The following FAM133A variants were observed in gnomAD, a reference collection of about 807,000 sequenced individuals.
The protein encoded by FAM133A is protein FAM133A.
For synonymous variants in FAM133A, 65 were observed against 58.6 expected (o/e 1.11, Z -0.50); for missense variants, 159 against 164.4 (o/e 0.97, Z 0.18).
upstream of FAM133A, among the ~76,000 whole-genome samples, chrX:93,673,844 T>A (rs1048046913): frequency 3.7e-5 from 4 of 107,480 alleles, no homozygotes; most frequent in East Asian, 1.2e-3. Context: ...AGTTTTATAA[T>A]TAAAAAAGAA....
intron 3 of FAM133A, among the ~76,000 whole-genome samples, chrX:93,700,888 C>T (rs1345454519): frequency 9.0e-6 from 1 of 111,301 alleles, no homozygotes; most frequent in African/African-American, 3.3e-5. Context: ...TTGCAGAAGG[C>T]ACTGATACAT....
intron 3 of FAM133A, among the ~76,000 whole-genome samples, chrX:93,703,165 G>T: frequency 9.0e-6 from 1 of 111,301 alleles, no homozygotes; most frequent in African/African-American, 3.3e-5. Flanking sequence ...CTCCAGCCTG[G>T]GCAACAGAGT....
rs1432690525 is a variant in FAM133A, at chrX:93,711,925, A to G, written c.*1759A>G. ...CTTTTTATAAGCTTATATTATTTGT[A>G]GAATATGGCAAAAGCATTTACAGCT... On this transcript the variant is annotated 3_prime_UTR_variant, in exon 4 of 4. Transcript: ENST00000683942. 1 of 123,472 alleles carries G rather than the reference A, an allele frequency of 8.1e-6. No individual in the cohort carries two copies. The highest frequency in any genetic ancestry group is 1.9e-5 in the Non-Finnish European group (1 of 53,289). 10.2% of individuals were successfully genotyped at this position (123,472 alleles called of 1,213,427 possible).
chrX:93,674,807 C>T (rs1304134023), intron 2 of FAM133A, 55 bp downstream of exon 2: 6 of 111,055 alleles, frequency 5.4e-5, no homozygotes, highest in Non-Finnish European at 1.1e-4. Context: ...TCATCTCCAT[C>T]TGAATAAAAG....
intron 2 of FAM133A, among the ~76,000 whole-genome samples, chrX:93,697,181 A>ATATG (rs1556031159): frequency 1.2e-4 from 9 of 76,035 alleles, no homozygotes; most frequent in African/African-American, 3.5e-4. Flanking sequence ...ATATATATAT[A>ATATG]TATATATATA....
rs183468771 is a variant in FAM133A, at chrX:93,697,891, A to G, written c.-192-506A>G. 1.7e-4 allele frequency among the ~76,000 whole-genome samples: 19 copies of G among 112,025 alleles called. No individual in the cohort carries two copies. In the East Asian group the frequency reaches 4.8e-3, roughly 28 times the overall value. On this transcript the variant is annotated intron_variant, in intron 2 of 3. Coordinates refer to ENST00000683942, the MANE Select transcript of FAM133A (RefSeq NM_001171109.2). ...TAAAAATGAATTTATTTCTTAGATT[A>G]CTTAGGGTGGGGAAAATTATTTTAT...
rs752223687 is a variant in FAM133A at position 93,691,445 on chromosome X, C to A, written c.-192-6952C>A. Among the ~76,000 whole-genome samples the A allele has an allele frequency of 4.5e-5, 5 of 112,113 alleles. No homozygotes were observed. In the South Asian group the frequency reaches 1.5e-3, roughly 33 times the overall value. ...ATGTCTTTGTCCTTTTGTAAAAAATCAATTGACCATAAATGTATGCATTTG... is the reference window on the plus strand; with the variant it reads ...ATGTCTTTGTCCTTTTGTAAAAAATAAATTGACCATAAATGTATGCATTTG... On this transcript the variant is annotated intron_variant, in intron 2 of 3. Transcript: ENST00000683942.
chrX:93,698,548 A>T (rs543143397), intron 3 of FAM133A, 63 bp downstream of exon 3: 2 of 111,917 alleles, frequency 1.8e-5, no homozygotes, highest in East Asian at 5.7e-4. Flanking sequence ...CATGAGGTTA[A>T]AATGAAGAAT....
At chrX:93,674,115 T>C (rs1411985361), upstream of FAM133A, 2 of 110,902 alleles carry the variant, frequency 1.8e-5, no homozygotes, top group Admixed American at 9.6e-5. Flanking sequence ...CATGCATTTT[T>C]ACACTGGATA....
intron 2 of FAM133A, among the ~76,000 whole-genome samples, chrX:93,687,021 C>T (rs1322204430): frequency 8.9e-6 from 1 of 112,265 alleles, no homozygotes; most frequent in Non-Finnish European, 1.9e-5. Flanking sequence ...ATGCTTTTGA[C>T]CTGTTACTTT....
chrX:93,709,716 G>C lies in FAM133A; in HGVS notation c.297G>C (p.Lys99Asn). The C allele has an allele frequency of 8.4e-7, 1 of 1,196,766 alleles. No individual in the cohort carries two copies. The highest frequency in any genetic ancestry group is 1.7e-5 in the African/African-American group (1 of 57,198). ...KKRERKKKRK[K>N]KSCRSSSSSS... ...GAGAAAGAAAGAAAAAGAGAAAGAA[G>C]AAATCTTGTCGGTCTTCATCTTCTT... is the stretch of plus-strand genomic sequence containing the variant. The change falls in exon 4 of 4, where the codon AAG (lysine) becomes AAC (asparagine). Residue 99 changes from lysine (K) to asparagine (N), a missense_variant. Coordinates refer to ENST00000683942, the MANE Select transcript of FAM133A (RefSeq NM_001171109.2).
chrX:93,698,586 T>G (rs915012730), intron 3 of FAM133A, 101 bp downstream of exon 3: 8 of 111,784 alleles, frequency 7.2e-5, no homozygotes, highest in African/African-American at 2.3e-4. Context: ...TTTAGTGACA[T>G]GGAGGTCATT....
At chrX:93,677,092 A>G (rs749512888) in intron 2 of FAM133A, among the ~76,000 whole-genome samples, 1 of 110,935 alleles carries the variant, frequency 9.0e-6, no homozygotes, top group South Asian at 3.8e-4. Context: ...GTTTTTCTTA[A>G]TAAGGTTAGA....
chrX:93,705,411 C>T (rs1280671469), intron 3 of FAM133A, among the ~76,000 whole-genome samples: 2 of 111,332 alleles, frequency 1.8e-5, no homozygotes, highest in African/African-American at 6.5e-5. Flanking sequence ...GTTGGTGTTA[C>T]TTTTTCTCTT....
At chrX:93,682,334 C>A (rs1287797838) in intron 2 of FAM133A, among the ~76,000 whole-genome samples, 1 of 112,154 alleles carries the variant, frequency 8.9e-6, no homozygotes, top group Admixed American at 9.5e-5. Context: ...GAACATAGTT[C>A]TTTAACTCTT....
intron 2 of FAM133A, among the ~76,000 whole-genome samples, chrX:93,675,007 A>G (rs1924571867): frequency 8.9e-6 from 1 of 112,329 alleles, no homozygotes. Context: ...TAAATTATTC[A>G]TTTCAAATGA....
chrX:93,693,329 T>C (rs968411281), intron 2 of FAM133A, among the ~76,000 whole-genome samples: 1 of 111,175 alleles, frequency 9.0e-6, no homozygotes, highest in South Asian at 3.8e-4. Context: ...CTGTATTATG[T>C]ATAGGAGCCT....
At chrX:93,694,817 A>G (rs1448441250) in intron 2 of FAM133A, among the ~76,000 whole-genome samples, 1 of 111,367 alleles carries the variant, frequency 9.0e-6, no homozygotes, top group Non-Finnish European at 1.9e-5. Context: ...AGGCTCACCA[A>G]GGAAAACTCT....
At chrX:93,677,261 C>T (rs1026936807) in intron 2 of FAM133A, among the ~76,000 whole-genome samples, 4 of 110,241 alleles carry the variant, frequency 3.6e-5, no homozygotes, top group African/African-American at 1.3e-4. Context: ...TTGATACCTC[C>T]CTTAATATGA....
Sources: gnomAD v4.1 joint callset for allele counts (sites outside exome capture counted in the v4.1 genomes callset) on GRCh38, gnomAD v4.1.1 for gene constraint, MANE v1.5 for transcripts, NCBI Gene and HGNC (gene_info 2026-07-23, HGNC 2026-07-21) for gene names.